The following TBC1D2B variants were observed in gnomAD, a reference collection of about 807,000 sequenced individuals.
TBC1D2B encodes TBC1 domain family, member 2B.
A neutral mutation model predicts 100.8 loss-of-function variants in TBC1D2B; 64 were observed. That is an observed-to-expected ratio of 0.64 (90% confidence interval 0.52 to 0.78). TBC1D2B has a LOEUF of 0.78. TBC1D2B is among the 30% of genes least tolerant of loss of function. The pLI is 0.00. For missense variants in TBC1D2B, 1,052 were observed against 1,218.4 expected (o/e 0.86, Z 2.03); for synonymous variants, 480 against 479.7 (o/e 1.00, Z -0.01).
chr15:78,070,971 C>A (rs541903745), intron 1 of TBC1D2B, among the ~76,000 whole-genome samples: 74 of 152,238 alleles, frequency 4.9e-4, no homozygotes, highest in Middle Eastern at 6.8e-3. Context: ...TACAGGCATC[C>A]GCCACCACAC....
At chr15:78,068,570 A>G (rs2073698403) in intron 1 of TBC1D2B, among the ~76,000 whole-genome samples, 1 of 152,208 alleles carries the variant, frequency 6.6e-6, no homozygotes, top group African/African-American at 2.4e-5. Context: ...CAGACACTCA[A>G]AGACTAGACC....
rs2071756476 is a variant in TBC1D2B at position 77,996,348 on chromosome 15, G to A, written c.*1812C>T. 1 of 152,168 alleles carries A rather than the reference G, an allele frequency of 6.6e-6. No individual in the cohort carries two copies. The highest frequency in any genetic ancestry group is 2.4e-5 in the African/African-American group (1 of 41,396). The allele number at this position is 152,168 out of a possible 1,614,324, so 9.4% of individuals were successfully genotyped here. A position where few individuals can be genotyped will look rare whatever the true frequency, so the allele number is the denominator to read the frequency against. On this transcript the variant is annotated 3_prime_UTR_variant, in exon 13 of 13. Transcript: ENST00000300584. ...ATTGGCTCGGAAAGTAAAACCTCAG[G>A]GCCCAGCCCCATTCCTGCTGCACCT...
chr15:78,039,003 A>T (rs981945145), intron 3 of TBC1D2B, among the ~76,000 whole-genome samples: 1 of 152,228 alleles, frequency 6.6e-6, no homozygotes, highest in Non-Finnish European at 1.5e-5. Flanking sequence ...GCACCACTGC[A>T]GAAACACACA....
At chr15:78,034,741 T>C in intron 3 of TBC1D2B, 1 of 985,424 alleles carries the variant, frequency 1.0e-6, no homozygotes, top group Non-Finnish European at 1.2e-6. Context: ...TGTCAAGTCC[T>C]GGATAAGAGA....
chr15:78,076,226 C>T (rs532471002), intron 1 of TBC1D2B, among the ~76,000 whole-genome samples: 22 of 152,188 alleles, frequency 1.4e-4, no homozygotes, highest in Non-Finnish European at 2.2e-4. Flanking sequence ...CCTGCTTCTA[C>T]ACTGTATCTC....
intron 7 of TBC1D2B, 98 bp from the exon 8 acceptor site, chr15:78,016,837 T>C: frequency 2.1e-6 from 2 of 956,508 alleles, no homozygotes; most frequent in East Asian, 3.0e-5. Context: ...CCCAAAACTA[T>C]TAGGAAGTGA....
Position 78,030,082 on chromosome 15 carries a change from C to A in TBC1D2B, c.772G>T (p.Asp258Tyr). 6.2e-7 allele frequency: 1 copy of A among 1,613,848 alleles called. No individual in the cohort carries two copies. The highest frequency in any genetic ancestry group is 8.5e-7 in the Non-Finnish European group (1 of 1,179,800). The change falls in exon 4 of 13, where the codon GAC (aspartate) becomes TAC (tyrosine). Residue 258 changes from aspartate to tyrosine, a missense_variant. By Grantham distance (160) the Asp-to-Tyr change is radical (BLOSUM62 -3). Around this residue, in one of 4 missense-constraint regions of TBC1D2B, gnomAD observed 627 missense variants for 646.1 expected, o/e 0.97. Transcript: ENST00000300584. The stretch of plus-strand genomic sequence containing the variant: ...TCCTCTAGGTCCTTAGGGGTTGGGT[C>A]TAAAAGTTCCCACTCTTCATTGGTA... Reference protein sequence around the residue: ...FYTNEEWELLDPTPKDLEESI... With the variant: ...FYTNEEWELLYPTPKDLEESI...
Position 78,070,697 on chromosome 15 carries a change from AC to A in TBC1D2B, c.360+6595del, listed in dbSNP as rs1437359876. Among the ~76,000 whole-genome samples the A allele has an allele frequency of 3.9e-5, 6 of 152,324 alleles. No homozygotes were observed. The East Asian group carries it at 1.2e-3, about 29-fold the overall frequency. On this transcript the variant is annotated intron_variant, in intron 1 of 12. Coordinates refer to ENST00000300584, the MANE Select transcript of TBC1D2B (RefSeq NM_144572.2). ...TTTTGAAACAGGGTCTCCCTCTGTC[AC>A]CCAGGCTGGAGTACAGTGGAGCAAA...
intron 1 of TBC1D2B, among the ~76,000 whole-genome samples, chr15:78,060,598 G>A (rs1251379718): frequency 6.6e-6 from 1 of 151,500 alleles, no homozygotes; most frequent in Non-Finnish European, 1.5e-5. Flanking sequence ...GCCGAGATCT[G>A]TACCCAGCCT....
chr15:78,045,971 G>A (rs57220134), intron 2 of TBC1D2B, among the ~76,000 whole-genome samples: 32,135 of 151,402 alleles, frequency 0.21, 3,658 homozygotes, highest in East Asian at 0.36. Flanking sequence ...TGCTCTTGTT[G>A]CCCAGGACAG....
chr15:78,017,976 A>G lies in TBC1D2B; in HGVS notation c.1471-19T>C, dbSNP rs1318872481. 1 of 1,281,424 alleles carries G rather than the reference A, an allele frequency of 7.8e-7. No individual in the cohort carries two copies. Among genetic ancestry groups the G allele is most frequent in the Non-Finnish European group, 1.1e-6 (1 of 904,632 alleles). 79.4% of individuals were successfully genotyped at this position (1,281,424 alleles called of 1,614,324 possible). On this transcript the variant is annotated intron_variant, in intron 6 of 12. Transcript: ENST00000300584. ...GATTATCCTGTTAGAAAAAAAAAAA[A>G]TCCCTGAATTCACATTGGTTGAATA...
chr15:78,011,470 CTTTTT>C (rs201268185), intron 9 of TBC1D2B, among the ~76,000 whole-genome samples: 2 of 130,402 alleles, frequency 1.5e-5, no homozygotes, highest in South Asian at 2.5e-4. Context: ...TTATCCATAT[CTTTTT>C]TTTTTTTTTT....
intron 9 of TBC1D2B, among the ~76,000 whole-genome samples, chr15:78,010,723 G>A (rs2072201157): frequency 6.6e-6 from 1 of 152,160 alleles, no homozygotes; most frequent in South Asian, 2.1e-4. Flanking sequence ...TATTCCAGAT[G>A]ACAGGTCTGA....
chr15:78,011,107 T>TA (rs2072210745), intron 9 of TBC1D2B, among the ~76,000 whole-genome samples: 1 of 152,208 alleles, frequency 6.6e-6, no homozygotes, highest in South Asian at 2.1e-4. Flanking sequence ...GGATCCTACT[T>TA]ACAGGCTTTT....
At chr15:78,053,742 G>T (rs944900514) in intron 2 of TBC1D2B, 2 of 290,528 alleles carry the variant, frequency 6.9e-6, no homozygotes, top group East Asian at 7.3e-5. Context: ...GTAGTAGAAA[G>T]GCTGGCCCTG....
At chr15:78,076,856 C>T (rs1387814911) in intron 1 of TBC1D2B, among the ~76,000 whole-genome samples, 1 of 152,240 alleles carries the variant, frequency 6.6e-6, no homozygotes, top group African/African-American at 2.4e-5. Flanking sequence ...CTACTGTTAT[C>T]CCATTTTACA....
At chr15:78,068,383 C>CCA (rs35403620) in intron 1 of TBC1D2B, among the ~76,000 whole-genome samples, 28,772 of 142,884 alleles carry the variant, frequency 0.2, 2,884 homozygotes, top group Non-Finnish European at 0.23. Context: ...CACACCACAC[C>CCA]CACACACACA....
chr15:78,005,273 T>TCA (rs1459530818), intron 10 of TBC1D2B, among the ~76,000 whole-genome samples: 3 of 152,200 alleles, frequency 2.0e-5, no homozygotes, highest in African/African-American at 4.8e-5. Context: ...ATGGAATGAC[T>TCA]GTGTCATTCA....
intron 1 of TBC1D2B, among the ~76,000 whole-genome samples, chr15:78,076,617 T>C (rs1206692402): frequency 6.7e-6 from 1 of 150,262 alleles, no homozygotes; most frequent in East Asian, 1.9e-4. Flanking sequence ...CCAGGCGTGG[T>C]GGCCCGCACC....
Sources: gnomAD v4.1 joint callset for allele counts (sites outside exome capture counted in the v4.1 genomes callset) on GRCh38, gnomAD v4.1.1 for gene constraint, gnomAD v4.1.1 regional missense constraint, MANE v1.5 for transcripts, NCBI Gene and HGNC (gene_info 2026-07-23, HGNC 2026-07-21) for gene names.